ZNF503: variants seen among roughly 807,000 people sequenced by gnomAD.
ZNF503 encodes the protein NocA-like zinc finger 2.
A neutral mutation model predicts 34.4 loss-of-function variants in ZNF503; 15 were observed. The observed-to-expected ratio is 0.44, with a 90% confidence interval of 0.29 to 0.67. The LOEUF is 0.67. Among genes scored for constraint, ZNF503 ranks in the 30% least tolerant of loss-of-function variants. The pLI, the probability that ZNF503 is intolerant of heterozygous loss-of-function variation, is 0.13. For missense variants in ZNF503, 1,007 were observed against 926.8 expected (o/e 1.09, Z -1.12); for synonymous variants, 580 against 456.8 (o/e 1.27, Z -3.44).
the ZNF503 span, among the ~76,000 whole-genome samples, chr10:75,300,511 G>A: frequency 6.6e-6 from 1 of 152,106 alleles, no homozygotes. Context: ...AAATATCCAT[G>A]AAATCTTCAC....
the ZNF503 span, among the ~76,000 whole-genome samples, chr10:75,295,252 C>T: frequency 6.6e-6 from 1 of 151,748 alleles, no homozygotes; most frequent in Admixed American, 6.6e-5. This position sits in a 1 kb window ranked among gnomAD's most constrained non-coding sequence, Gnocchi z 4.0. Flanking sequence ...GGCAGGGGCG[C>T]GCCCCCTCAT....
At chr10:75,307,212 T>C in the ZNF503 span, among the ~76,000 whole-genome samples, 1 of 152,172 alleles carries the variant, frequency 6.6e-6, no homozygotes, top group Non-Finnish European at 1.5e-5. Flanking sequence ...AAAGAAAAGT[T>C]CCTGAAGGAA....
chr10:75,284,676 A>G, the ZNF503 span, among the ~76,000 whole-genome samples: 1 of 152,118 alleles, frequency 6.6e-6, no homozygotes, highest in African/African-American at 2.4e-5. Context: ...TTCACCTTCA[A>G]GCTGATGGTC....
chr10:75,312,484 G>A, the ZNF503 span, among the ~76,000 whole-genome samples: 2 of 152,062 alleles, frequency 1.3e-5, no homozygotes, highest in Non-Finnish European at 2.9e-5. Context: ...GGACATGTAG[G>A]TATATCACAA....
At chr10:75,378,496 C>T in the ZNF503 span, among the ~76,000 whole-genome samples, 4 of 151,836 alleles carry the variant, frequency 2.6e-5, no homozygotes, top group African/African-American at 9.7e-5. Context: ...CCACTCCGCA[C>T]TTATCCATGA....
the ZNF503 span, among the ~76,000 whole-genome samples, chr10:75,383,809 C>T: frequency 4.6e-5 from 7 of 152,332 alleles, no homozygotes; most frequent in Non-Finnish European, 7.3e-5. Flanking sequence ...AAACCCTGTC[C>T]TGAACCAGGG....
rs768510203 is a variant in ZNF503 at position 75,399,542 on chromosome 10, G to A, written c.1148C>T (p.Pro383Leu). ...QFLPHGVALDPTKPGSLVGAQ... is the reference protein window; with the variant it reads ...QFLPHGVALDLTKPGSLVGAQ... ...CCCCACCAGGCTGCCCGGCTTGGTG[G>A]GGTCAAGTGCCACGCCGTGTGGCAG... Residue 383 changes from proline to leucine, a missense_variant, in exon 2 of 2, where the codon CCC (proline) becomes CTC (leucine). Transcript: ENST00000372524. 2 of 1,591,476 alleles carry A rather than the reference G, an allele frequency of 1.3e-6. No individual in the cohort carries two copies. Among genetic ancestry groups the A allele is most frequent in the South Asian group, 2.2e-5 (2 of 90,244 alleles).
At chr10:75,344,242 C>T in the ZNF503 span, among the ~76,000 whole-genome samples, 1 of 152,224 alleles carries the variant, frequency 6.6e-6, no homozygotes, top group Non-Finnish European at 1.5e-5. Context: ...TGGGAAGGGG[C>T]CCTGGGGCCG....
chr10:75,372,288 G>A, the ZNF503 span, among the ~76,000 whole-genome samples: 2 of 152,210 alleles, frequency 1.3e-5, no homozygotes, highest in Admixed American at 6.5e-5. Context: ...GTTCACTGTA[G>A]AAAGACAGAC....
rs1261658234 is a variant in ZNF503 at position 75,401,190 on chromosome 10, A to G, written c.230T>C (p.Leu77Pro). 1 of 1,610,080 alleles carries G rather than the reference A, an allele frequency of 6.2e-7. No individual in the cohort carries two copies. The highest frequency in any genetic ancestry group is 8.5e-7 in the Non-Finnish European group (1 of 1,177,768). The change falls in exon 1 of 2, where the codon CTG becomes CCG. Residue 77 changes from leucine (L) to proline (P), a missense_variant. Coordinates refer to ENST00000372524, the MANE Select transcript of ZNF503 (RefSeq NM_032772.6). ...GCCAGTTCGTGCCGTCAGCATCTTC[A>G]GCACCTTGATTGGCAGGCGGTTGGC... Reference protein sequence around the residue: ...RQANRLPIKVLKMLTARTGHI... With the variant: ...RQANRLPIKVPKMLTARTGHI...
chr10:75,291,102 G>T, the ZNF503 span, among the ~76,000 whole-genome samples: 16 of 152,192 alleles, frequency 1.1e-4, no homozygotes, highest in African/African-American at 3.9e-4. Flanking sequence ...GGGTTTCACA[G>T]CCATTTCATG....
chr10:75,370,430 G>A, the ZNF503 span, among the ~76,000 whole-genome samples: 9 of 152,170 alleles, frequency 5.9e-5, no homozygotes, highest in South Asian at 2.1e-4. Flanking sequence ...TCACAAACAC[G>A]GATGCTCATC....
chr10:75,320,245 G>A, the ZNF503 span, among the ~76,000 whole-genome samples: 27 of 152,082 alleles, frequency 1.8e-4, no homozygotes, highest in Admixed American at 1.8e-3. Context: ...ACTTTGGGAG[G>A]CTGAGGTAAG....
At chr10:75,375,139 A>C in the ZNF503 span, among the ~76,000 whole-genome samples, 6 of 152,120 alleles carry the variant, frequency 3.9e-5, no homozygotes, top group Non-Finnish European at 8.8e-5. Flanking sequence ...CTCTTTTTTT[A>C]AAATGGAGTC....
the ZNF503 span, among the ~76,000 whole-genome samples, chr10:75,348,983 T>A: frequency 6.6e-6 from 1 of 152,144 alleles, no homozygotes; most frequent in Non-Finnish European, 1.5e-5. Flanking sequence ...TCTCCCTTCC[T>A]GTTTCTCTTT....
At chr10:75,341,947 A>G in the ZNF503 span, among the ~76,000 whole-genome samples, 1 of 152,164 alleles carries the variant, frequency 6.6e-6, no homozygotes, top group East Asian at 1.9e-4. Context: ...CCTGGCACAC[A>G]GATTAACATT....
chr10:75,399,601 C>T lies in ZNF503; in HGVS notation c.1089G>A (p.Leu363=). 1 of 1,597,860 alleles carries T rather than the reference C, an allele frequency of 6.3e-7. No homozygotes were observed. The highest frequency in any genetic ancestry group is 8.5e-7 in the Non-Finnish European group (1 of 1,179,560). The change falls in exon 2 of 2, where the codon CTG becomes CTA. Residue 363 remains leucine, a synonymous_variant. Transcript: ENST00000372524. ...PPAGMTYPGS[L]AGAYAGYPPQ... ...GCGGGTAGCCGGCGTAGGCCCCGGC[C>T]AGGCTGCCTGGGTAGGTCATACCCG...
the ZNF503 span, among the ~76,000 whole-genome samples, chr10:75,353,485 A>G: frequency 6.6e-6 from 1 of 152,170 alleles, no homozygotes; most frequent in Non-Finnish European, 1.5e-5. Context: ...CAGGGCAGCC[A>G]CCCTCGGAAG....
the ZNF503 span, among the ~76,000 whole-genome samples, chr10:75,367,869 G>T: frequency 1.3e-5 from 2 of 152,152 alleles, no homozygotes; most frequent in African/African-American, 4.8e-5. Flanking sequence ...CCCTTATTTA[G>T]TGGAAGACCC....
Sources: gnomAD v4.1 joint callset for allele counts (sites outside exome capture counted in the v4.1 genomes callset) on GRCh38, gnomAD v4.1.1 for gene constraint, Gnocchi (gnomAD v3.1) non-coding constraint, MANE v1.5 for transcripts, NCBI Gene and HGNC (gene_info 2026-07-23, HGNC 2026-07-21) for gene names.